C11orf65: variants seen among roughly 807,000 people sequenced by gnomAD.
C11orf65 encodes chromosome 11 open reading frame 65.
In C11orf65, 38 loss-of-function variants were observed where a neutral mutation model predicts 35.3. The ratio of observed to expected loss-of-function variants is 1.08; its 90% confidence interval spans 0.83 to 1.41. The LOEUF is 1.41. Among genes scored for constraint, C11orf65 ranks in the 40% most tolerant of loss-of-function variants. The probability of loss-of-function intolerance (pLI) is 0.00; values close to 1 mark genes in which losing one functional copy is unlikely to be tolerated. For missense variants in C11orf65, 370 were observed against 367.1 expected, an observed-to-expected ratio of 1.01 and a Z score of -0.06; for synonymous variants, 105 against 114.4, an observed-to-expected ratio of 0.92 and a Z score of 0.53.
At chr11:108,465,529 A>G (rs564759942) in intron 1 of C11orf65, among the ~76,000 whole-genome samples, 9 of 152,352 alleles carry the variant, frequency 5.9e-5, no homozygotes, top group East Asian at 5.8e-4. Context: ...TAGTGACTGT[A>G]CAGGCACTGC....
chr11:108,457,762 T>C (rs985192578), intron 2 of C11orf65, among the ~76,000 whole-genome samples: 5 of 152,222 alleles, frequency 3.3e-5, no homozygotes, highest in African/African-American at 7.2e-5. Context: ...GAAGTACTCA[T>C]GTTACTTTGA....
intron 6 of C11orf65, among the ~76,000 whole-genome samples, chr11:108,399,270 T>C (rs1190841038): frequency 2.6e-5 from 4 of 152,242 alleles, no homozygotes; most frequent in South Asian, 2.1e-4. Flanking sequence ...GTATCCATTA[T>C]GAGTATACCT....
chr11:108,327,397 CATAT>C (rs771883108), downstream of C11orf65: 1 of 437,502 alleles, frequency 2.3e-6, no homozygotes, highest in Non-Finnish European at 4.2e-6. Flanking sequence ...AAGTGTCTGA[CATAT>C]ATAAGTACTC....
chr11:108,456,859 G>A (rs1209103767), intron 2 of C11orf65, among the ~76,000 whole-genome samples: 1 of 152,026 alleles, frequency 6.6e-6, no homozygotes, highest in Non-Finnish European at 1.5e-5. Context: ...TAAAATTAAA[G>A]ACTTCTTTTC....
At chr11:108,349,015 G>A (rs1156494302) in intron 2 of C11orf65, among the ~76,000 whole-genome samples, 1 of 152,158 alleles carries the variant, frequency 6.6e-6, no homozygotes, top group Non-Finnish European at 1.5e-5. Flanking sequence ...ATAGATTTCA[G>A]TTGAAGTCAC....
intron 2 of C11orf65, among the ~76,000 whole-genome samples, chr11:108,444,965 C>A (rs368885867): frequency 1.3e-5 from 2 of 152,226 alleles, no homozygotes; most frequent in South Asian, 2.1e-4. Context: ...ATATCCCACA[C>A]ATGGCTCGGA....
At chr11:108,437,701 C>CA (rs1348283918) in intron 2 of C11orf65, among the ~76,000 whole-genome samples, 1 of 70,728 alleles carries the variant, frequency 1.4e-5, no homozygotes, top group Admixed American at 2.0e-4. Flanking sequence ...AGGTGAGACT[C>CA]AGTCTTAAAA....
At chr11:108,407,175 A>G in intron 3 of C11orf65, 26 bp from the exon 4 acceptor site, 1 of 1,475,734 alleles carries the variant, frequency 6.8e-7, no homozygotes, top group Non-Finnish European at 9.2e-7. Flanking sequence ...TTATTCTTAT[A>G]TATTATTCTT....
intron 2 of C11orf65, chr11:108,368,288 C>CAAA (rs765253087): frequency 1.0e-4 from 10 of 97,924 alleles, no homozygotes; most frequent in African/African-American, 1.5e-4. Flanking sequence ...GACTCTGCCT[C>CAAA]AAAAAAAAAA....
In C11orf65 at chr11:108,431,726, T is replaced by C. The variant is rs1209207292; in HGVS notation, c.174+20A>G. The C allele has an allele frequency of 7.9e-7, 1 of 1,263,818 alleles. No homozygotes were observed. The highest frequency in any genetic ancestry group is 1.1e-6 in the Non-Finnish European group (1 of 926,484). The allele number at this position is 1,263,818 out of a possible 1,614,324, so 78.3% of individuals were successfully genotyped here. ...TTATGGAAAAATATAGGATGCTATA[T>C]CAATAAGTAATGTCCTTACCTCTTT... On this transcript the variant is annotated intron_variant, in intron 3 of 8. Transcript: ENST00000393084.
At position 108,311,761 on chromosome 11, in the gene C11orf65, T is replaced by C. The variant is rs149151024; in HGVS notation, c.641-2690A>G. On this transcript the variant is annotated intron_variant, in intron 6 of 6. Coordinates refer to the C11orf65 transcript ENST00000525729. ...ATATAGGTAAATATTAGAGGCAGTATCACTTATGATAGTATTTATTTTATG... is the reference window on the plus strand; with the variant it reads ...ATATAGGTAAATATTAGAGGCAGTACCACTTATGATAGTATTTATTTTATG... Among the ~76,000 whole-genome samples the C allele has an allele frequency of 7.8e-4, 118 of 152,198 alleles. 1 individual carries two copies. The highest frequency in any genetic ancestry group is 2.6e-3 in the African/African-American group (106 of 41,534).
At chr11:108,391,523 T>C (rs1202789745) in intron 7 of C11orf65, among the ~76,000 whole-genome samples, 1 of 152,080 alleles carries the variant, frequency 6.6e-6, no homozygotes, top group Non-Finnish European at 1.5e-5. Flanking sequence ...GGATTACAGG[T>C]GCCCGCCACC....
At chr11:108,434,966 C>A (rs754487658) in intron 2 of C11orf65, among the ~76,000 whole-genome samples, 3 of 152,180 alleles carry the variant, frequency 2.0e-5, no homozygotes, top group Non-Finnish European at 4.4e-5. Flanking sequence ...AGTGGAATGG[C>A]ATGTTAAAGA....
intron 2 of C11orf65, 145 bp downstream of exon 2, chr11:108,461,334 A>G (rs1178684647): frequency 5.4e-5 from 33 of 612,134 alleles, no homozygotes; most frequent in Non-Finnish European, 5.8e-6. Flanking sequence ...TGGGAGGCAG[A>G]GGCTGCAGTG....
Position 108,393,347 on chromosome 11 carries a change from T to C in C11orf65, c.592A>G (p.Thr198Ala). 1 of 1,614,086 alleles carries C rather than the reference T, an allele frequency of 6.2e-7. No individual in the cohort carries two copies. The highest frequency in any genetic ancestry group is 8.5e-7 in the Non-Finnish European group (1 of 1,179,972). Residue 198 changes from threonine to alanine, a missense_variant, in exon 7 of 9, where the codon ACA (threonine) becomes GCA (alanine). By Grantham distance (58) the Thr-to-Ala change is moderately conservative. Coordinates refer to ENST00000393084, the MANE Select transcript of C11orf65 (RefSeq NM_152587.5). ...ATTAGTCCTAGAGTTTCATGATGTG[T>C]TGACTTAGCCTCCAGACTTCCTGAG... is the stretch of plus-strand genomic sequence containing the variant. ...YYSGSLEAKS[T>A]HHETLGLIHT... is the part of the protein sequence containing the mutation.
chr11:108,412,640 G>A (rs964581189), intron 3 of C11orf65, among the ~76,000 whole-genome samples: 1 of 152,162 alleles, frequency 6.6e-6, no homozygotes, highest in African/African-American at 2.4e-5. Flanking sequence ...AGAGGCTGGG[G>A]CGGGAGGATC....
At chr11:108,354,220 A>G (rs907010529) in intron 2 of C11orf65, among the ~76,000 whole-genome samples, 2 of 151,984 alleles carry the variant, frequency 1.3e-5, no homozygotes, top group Admixed American at 6.6e-5. Context: ...TCTTCCTTCC[A>G]CCCACCTGGG....
chr11:108,407,485 A>T (rs141915552), intron 3 of C11orf65, among the ~76,000 whole-genome samples: 7 of 137,108 alleles, frequency 5.1e-5, no homozygotes, highest in South Asian at 2.3e-4. Context: ...CTAATTTTGT[A>T]TTTTTTTTTT....
At chr11:108,446,575 C>G (rs1019583193) in intron 2 of C11orf65, among the ~76,000 whole-genome samples, 2 of 151,952 alleles carry the variant, frequency 1.3e-5, no homozygotes, top group Non-Finnish European at 2.9e-5. Context: ...TACAGACAAG[C>G]AAATTCTGAG....
Sources: allele counts gnomAD v4.1 joint callset (sites outside exome capture counted in the v4.1 genomes callset), GRCh38; gene constraint gnomAD v4.1.1; transcripts MANE v1.5; gene names NCBI Gene and HGNC (gene_info 2026-07-23, HGNC 2026-07-21).